The following NFIX variants were observed in gnomAD, a reference collection of about 807,000 sequenced individuals.
The protein encoded by NFIX is nuclear factor 1 X-type.
NFIX carries 2 observed loss-of-function variants against 53.3 expected under a neutral mutation model. That is an observed-to-expected ratio of 0.04 (90% CI 0.02 to 0.12). NFIX has a LOEUF of 0.12. Among genes scored for constraint, NFIX ranks in the 10% least tolerant of loss-of-function variants. NFIX has a pLI of 1.00. For synonymous variants in NFIX, 244 were observed against 289.0 expected, an observed-to-expected ratio of 0.84 and a Z score of 1.58; for missense variants, 310 against 674.5, an observed-to-expected ratio of 0.46 and a Z score of 5.99.
chr19:13,097,961 G>GCACGCACA lies in NFIX; in HGVS notation c.*3314_*3321dup, dbSNP rs912336356. On this transcript the variant is annotated 3_prime_UTR_variant, in exon 11 of 11. Coordinates refer to ENST00000592199, the MANE Select transcript of NFIX (RefSeq NM_001365902.3). ...TGCCCAGGCCCGCGCCCGCACGCAC[G>GCACGCACA]CACGCACACGGCCCCGCACACAGCC... 6.5e-6 allele frequency: 1 copy of GCACGCACA among 154,118 alleles called. No individual in the cohort carries two copies. Among genetic ancestry groups the GCACGCACA allele is most frequent in the African/African-American group, 2.4e-5 (1 of 41,366 alleles). 9.5% of individuals were successfully genotyped at this position (154,118 alleles called of 1,614,324 possible).
chr19:13,072,801 A>G lies in NFIX; in HGVS notation c.560-246A>G, dbSNP rs2016844690. ...GTGCACAGGATGGTCCCCACCAGAG[A>G]GAGCAATCCAGGCCAAATGTCAGCA... On this transcript the variant is annotated intron_variant, in intron 2 of 10. Coordinates refer to ENST00000592199, the MANE Select transcript of NFIX (RefSeq NM_001365902.3). This position sits in a 1 kb window ranked among gnomAD's most constrained non-coding sequence, Gnocchi z 4.0. Among the ~76,000 whole-genome samples, 1 of 152,184 alleles carries G rather than the reference A, an allele frequency of 6.6e-6. No homozygotes were observed. The highest frequency in any genetic ancestry group is 2.1e-4 in the South Asian group (1 of 4,834).
rs903713526 is a variant in NFIX, at chr19:13,001,580, C to A, written c.27+5716C>A. Among the ~76,000 whole-genome samples the A allele has an allele frequency of 1.3e-5, 2 of 152,178 alleles. No homozygotes were observed. The highest frequency in any genetic ancestry group is 1.3e-4 in the Admixed American group (2 of 15,286). ...TCTACAGCAGTGTTTTTCTGGGTGT[C>A]TGTGCGTCACGGCAAAGAGTGTATC... On this transcript the variant is annotated intron_variant, in intron 1 of 10. Transcript: ENST00000592199. This position sits in a 1 kb window ranked among gnomAD's most constrained non-coding sequence, Gnocchi z 6.5.
At position 13,009,274 on chromosome 19, in the gene NFIX, AG is replaced by A. The variant is rs1338945902; in HGVS notation, c.27+13411del. On this transcript the variant is annotated intron_variant, in intron 1 of 10. Transcript: ENST00000592199. This position sits in a 1 kb window ranked among gnomAD's most constrained non-coding sequence, Gnocchi z 4.7. ...ATAGATTCCTCACAATAAAAATAAC[AG>A]CTACCGACTCCAGAGCAATTATGCC... Among the ~76,000 whole-genome samples the A allele has an allele frequency of 6.6e-6, 1 of 151,018 alleles. No individual in the cohort carries two copies. Among genetic ancestry groups the A allele is most frequent in the Non-Finnish European group, 1.5e-5 (1 of 67,704 alleles).
In NFIX at chr19:12,998,817, A is replaced by T. The variant is rs990058316; in HGVS notation, c.27+2953A>T. Among the ~76,000 whole-genome samples the T allele has an allele frequency of 9.2e-5, 14 of 152,168 alleles. No homozygotes were observed. The highest frequency in any genetic ancestry group is 1.9e-4 in the Non-Finnish European group (13 of 68,032). On this transcript the variant is annotated intron_variant, in intron 1 of 10. Transcript: ENST00000592199. This position sits in a 1 kb window ranked among gnomAD's most constrained non-coding sequence, Gnocchi z 4.4. ...CCCATTAACACACACGCACCTCTTG[A>T]AATGGGACACGTATATTGGTGTAGG...
chr19:13,086,985 A>G (rs1481110817), intron 8 of NFIX, among the ~76,000 whole-genome samples: 3 of 152,172 alleles, frequency 2.0e-5, no homozygotes, highest in Non-Finnish European at 2.9e-5. Context: ...GCGGAACTCT[A>G]TCCCACAGGA....
Position 13,073,171 on chromosome 19 carries a change from A to G in NFIX, c.622+62A>G. 4 of 1,518,756 alleles carry G rather than the reference A, an allele frequency of 2.6e-6. No individual in the cohort carries two copies. Among genetic ancestry groups the G allele is most frequent in the Non-Finnish European group, 3.7e-6 (4 of 1,095,284 alleles). The allele number at this position is 1,518,756 out of a possible 1,614,324, so 94.1% of individuals were successfully genotyped here. A position where few individuals can be genotyped will look rare whatever the true frequency, so the allele number is the denominator to read the frequency against. ...TCATGCCCCTCCACTTCCTTCCCCCACCCTGGCTGCCCTGGCCACCCTCAC... is the reference window on the plus strand; with the variant it reads ...TCATGCCCCTCCACTTCCTTCCCCCGCCCTGGCTGCCCTGGCCACCCTCAC... On this transcript the variant is annotated intron_variant, in intron 3 of 10. Transcript: ENST00000592199. This position sits in a 1 kb window ranked among gnomAD's most constrained non-coding sequence, Gnocchi z 4.5.
intron 1 of NFIX, chr19:13,024,162 T>C (rs956962617): frequency 4.2e-5 from 31 of 730,874 alleles, no homozygotes; most frequent in Non-Finnish European, 6.6e-5. Flanking sequence ...CATCCTTCTG[T>C]CACCTGACTG....
At chr19:13,023,954 A>ACCCCCCCCCCCC in intron 1 of NFIX, 1 of 170,318 alleles carries the variant, frequency 5.9e-6, no homozygotes, top group Non-Finnish European at 9.6e-6. Context: ...CCCTCCCCCC[A>ACCCCCCCCCCCC]CCCGCCCCCA....
At position 13,073,580 on chromosome 19, in the gene NFIX, C is replaced by A; in HGVS notation, c.697+84C>A. On this transcript the variant is annotated intron_variant, in intron 4 of 10. Coordinates refer to ENST00000592199, the MANE Select transcript of NFIX (RefSeq NM_001365902.3). The surrounding 1 kb of genome is among the most constrained non-coding windows in gnomAD (Gnocchi z 4.5). ...TCATGGGATGTCCTCCTAATGGGGT[C>A]TTAGGGCAGGTGGATGGGAACAGAT... The A allele has an allele frequency of 8.0e-7, 1 of 1,247,740 alleles. No individual in the cohort carries two copies. Among genetic ancestry groups the A allele is most frequent in the Non-Finnish European group, 1.2e-6 (1 of 849,124 alleles). 77.3% of individuals were successfully genotyped at this position (1,247,740 alleles called of 1,614,324 possible).
chr19:13,035,252 C>G (rs972890934), intron 2 of NFIX, among the ~76,000 whole-genome samples: 31 of 152,198 alleles, frequency 2.0e-4, no homozygotes, highest in African/African-American at 7.0e-4. Context: ...TCCTGTGTGT[C>G]CTGTGTTGTT....
chr19:13,031,927 A>G (rs1046849186), intron 2 of NFIX, among the ~76,000 whole-genome samples: 1 of 150,464 alleles, frequency 6.6e-6, no homozygotes, highest in Non-Finnish European at 1.5e-5. Flanking sequence ...GAAGAAGGTG[A>G]CTCCCTCCCC....
rs1456510565 is a variant in NFIX, at chr19:13,051,151, A to ATC, written c.560-21895_560-21894dup. Among the ~76,000 whole-genome samples the ATC allele has an allele frequency of 4.6e-5, 7 of 152,326 alleles. No homozygotes were observed. Among genetic ancestry groups the ATC allele is most frequent in the Non-Finnish European group, 8.8e-5 (6 of 68,022 alleles). On this transcript the variant is annotated intron_variant, in intron 2 of 10. Coordinates refer to ENST00000592199, the MANE Select transcript of NFIX (RefSeq NM_001365902.3). This position sits in a 1 kb window ranked among gnomAD's most constrained non-coding sequence, Gnocchi z 5.1. Reference sequence around the variant, plus strand: ...GCTTGGGTACTGTGCTGCAGATCTCATCGCTGAAGGTGTGGCTAAGGCTGT... The same window carrying ATC: ...GCTTGGGTACTGTGCTGCAGATCTCATCTCGCTGAAGGTGTGGCTAAGGCTGT...
Position 13,066,373 on chromosome 19 carries a change from G to A in NFIX, c.560-6674G>A, listed in dbSNP as rs182364262. On this transcript the variant is annotated intron_variant, in intron 2 of 10. Coordinates refer to ENST00000592199, the MANE Select transcript of NFIX (RefSeq NM_001365902.3). This position sits in a 1 kb window ranked among gnomAD's most constrained non-coding sequence, Gnocchi z 4.2. ...CCCTACCCCCCCGCCCCCAACAATG[G>A]CTTTTCTTGAGCCTAGGCCCTAGGG... Among the ~76,000 whole-genome samples the A allele has an allele frequency of 7.9e-5, 12 of 151,688 alleles. No homozygotes were observed. Among genetic ancestry groups the A allele is most frequent in the Admixed American group, 7.2e-4 (11 of 15,262 alleles).
chr19:13,023,678 G>GA (rs926695321), intron 1 of NFIX, among the ~76,000 whole-genome samples: 5 of 143,732 alleles, frequency 3.5e-5, no homozygotes, highest in Admixed American at 6.9e-5. Context: ...GGAAGAAATT[G>GA]AAAAAAAAAT....
chr19:13,003,075 G>T (rs1238690489), intron 1 of NFIX, among the ~76,000 whole-genome samples: 1 of 151,956 alleles, frequency 6.6e-6, no homozygotes. Context: ...CCAAATATCG[G>T]CTTCGGTCGA....
At chr19:13,065,716 A>G (rs1250565859) in intron 2 of NFIX, among the ~76,000 whole-genome samples, 1 of 152,134 alleles carries the variant, frequency 6.6e-6, no homozygotes, top group African/African-American at 2.4e-5. Flanking sequence ...CTGAGCATTC[A>G]GTTCCCCAGT....
intron 8 of NFIX, among the ~76,000 whole-genome samples, chr19:13,087,360 G>A (rs930063195): frequency 5.9e-5 from 9 of 152,288 alleles, no homozygotes; most frequent in Non-Finnish European, 8.8e-5. Context: ...AGCTGGCAGC[G>A]ATGGATTTTC....
rs572266909 is a variant in NFIX at position 12,998,922 on chromosome 19, G to T, written c.27+3058G>T. 6.6e-6 allele frequency among the ~76,000 whole-genome samples: 1 copy of T among 152,004 alleles called. No homozygotes were observed. Among genetic ancestry groups the T allele is most frequent in the Non-Finnish European group, 1.5e-5 (1 of 67,996 alleles). On this transcript the variant is annotated intron_variant, in intron 1 of 10. Transcript: ENST00000592199. The surrounding 1 kb of genome is among the most constrained non-coding windows in gnomAD (Gnocchi z 4.4). ...ACTTGTGTTCACAACCACCCCCAGC[G>T]CACACATAAACACTCACAAACCCCT... is the stretch of plus-strand genomic sequence containing the variant.
chr19:13,048,634 A>G (rs1250322295), intron 2 of NFIX, among the ~76,000 whole-genome samples: 1 of 141,464 alleles, frequency 7.1e-6, no homozygotes, highest in Non-Finnish European at 1.5e-5. Context: ...CCGAGGCAGG[A>G]GGATTGCTTG....
Sources: allele counts gnomAD v4.1 joint callset (sites outside exome capture counted in the v4.1 genomes callset), GRCh38; gene constraint gnomAD v4.1.1; non-coding constraint Gnocchi (gnomAD v3.1); transcripts MANE v1.5; gene names NCBI Gene and HGNC (gene_info 2026-07-23, HGNC 2026-07-21).